Variants in UNC79 observed in about 807,000 individuals in gnomAD.
UNC79 encodes protein unc-79 homolog.
In UNC79, 37 loss-of-function variants were observed where a neutral mutation model predicts 283.1. That is an observed-to-expected ratio of 0.13 (90% CI 0.10 to 0.17). The LOEUF is 0.17. Among genes scored for constraint, UNC79 ranks in the 10% least tolerant of loss-of-function variants. The pLI is 1.00. For synonymous variants in UNC79, 1,107 were observed against 1,200.2 expected, an observed-to-expected ratio of 0.92 and a Z score of 1.61; for missense variants, 2,272 against 3,211.1, an observed-to-expected ratio of 0.71 and a Z score of 7.07.
intron 1 of UNC79, among the ~76,000 whole-genome samples, chr14:93,355,220 G>GT (rs1260899354): frequency 7.9e-5 from 12 of 151,852 alleles, no homozygotes; most frequent in African/African-American, 2.4e-4. Context: ...CTGAGACAGA[G>GT]TTTTGCTCTT....
At chr14:93,518,921 A>G (rs781320524) in intron 7 of UNC79, among the ~76,000 whole-genome samples, 17 of 151,940 alleles carry the variant, frequency 1.1e-4, no homozygotes, top group Non-Finnish European at 1.9e-4. Context: ...CTCCATCTAA[A>G]TTTTTGAGAC....
intron 1 of UNC79, among the ~76,000 whole-genome samples, chr14:93,373,935 AT>A (rs1396992355): frequency 3.9e-5 from 6 of 152,366 alleles, no homozygotes; most frequent in Admixed American, 2.6e-4. Flanking sequence ...TATCCCAGGT[AT>A]GCCTTAGTTG....
chr14:93,683,132 TG>T (rs2073969305), intron 42 of UNC79, among the ~76,000 whole-genome samples: 1 of 151,512 alleles, frequency 6.6e-6, no homozygotes, highest in African/African-American at 2.4e-5. Flanking sequence ...GACTAAACTA[TG>T]TTTTTTTTTT....
At chr14:93,373,166 G>C (rs990539309) in intron 1 of UNC79, among the ~76,000 whole-genome samples, 1 of 152,172 alleles carries the variant, frequency 6.6e-6, no homozygotes, top group Non-Finnish European at 1.5e-5. Context: ...CAAAAGTAGA[G>C]CTTACAGGAA....
chr14:93,622,367 T>G (rs994645821), exon 30 of UNC79: 2 of 1,614,030 alleles, frequency 1.2e-6, no homozygotes, highest in Non-Finnish European at 1.7e-6. Context: ...GAACACTGAC[T>G]CTGCCCTCAT....
At chr14:93,689,487 C>CTT (rs57033556) in intron 44 of UNC79, 3,261 of 119,300 alleles carry the variant, frequency 0.027, 97 homozygotes, top group Non-Finnish European at 0.041. Flanking sequence ...GAAGAAATTT[C>CTT]TTTTTTTTTT....
At chr14:93,623,169 T>C (rs972763263) in intron 30 of UNC79, among the ~76,000 whole-genome samples, 1 of 152,208 alleles carries the variant, frequency 6.6e-6, no homozygotes, top group Non-Finnish European at 1.5e-5. Flanking sequence ...ACAGCAAAAG[T>C]CATTAACTTG....
At chr14:93,393,316 G>C (rs1415091122) in intron 1 of UNC79, among the ~76,000 whole-genome samples, 2 of 152,116 alleles carry the variant, frequency 1.3e-5, no homozygotes, top group Non-Finnish European at 2.9e-5. Flanking sequence ...TTCAGTAAAT[G>C]GTTCTTGAAT....
chr14:93,706,993 A>G, downstream of UNC79: 1 of 1,452,850 alleles, frequency 6.9e-7, no homozygotes, highest in Non-Finnish European at 9.5e-7. Context: ...GTTGGGGAAC[A>G]TATTGGTACT....
At chr14:93,543,200 A>ATG (rs1403217438) in intron 14 of UNC79, among the ~76,000 whole-genome samples, 6 of 135,070 alleles carry the variant, frequency 4.4e-5, no homozygotes, top group Admixed American at 1.4e-4. Context: ...TTTTTTAATC[A>ATG]TGTATATATA....
At chr14:93,679,838 T>C (rs962539349) in intron 41 of UNC79, among the ~76,000 whole-genome samples, 1 of 152,236 alleles carries the variant, frequency 6.6e-6, no homozygotes, top group African/African-American at 2.4e-5. Context: ...TACAGAACTC[T>C]TCCTTCGACA....
intron 30 of UNC79, 49 bp downstream of exon 32, chr14:93,622,890 A>G: frequency 6.3e-7 from 1 of 1,577,716 alleles, no homozygotes; most frequent in Non-Finnish European, 8.6e-7. Flanking sequence ...AAGTTTGTGC[A>G]TCTTGTTTGA....
intron 8 of UNC79, among the ~76,000 whole-genome samples, chr14:93,525,199 C>T (rs1465908043): frequency 1.3e-5 from 2 of 152,080 alleles, no homozygotes. Context: ...AATCCCAGCA[C>T]TTTCAGAGGC....
At chr14:93,676,379 A>T (rs564430288) in intron 41 of UNC79, among the ~76,000 whole-genome samples, 8 of 152,130 alleles carry the variant, frequency 5.3e-5, no homozygotes, top group African/African-American at 1.9e-4. Flanking sequence ...CTTTTTGAAG[A>T]TTCATGGGAT....
chr14:93,503,805 G>A (rs1429335070), intron 7 of UNC79, among the ~76,000 whole-genome samples: 3 of 151,716 alleles, frequency 2.0e-5, no homozygotes, highest in Non-Finnish European at 2.9e-5. Context: ...TATCAACTTA[G>A]CATTCTTTGT....
intron 14 of UNC79, among the ~76,000 whole-genome samples, chr14:93,562,402 G>A (rs2062616311): frequency 6.6e-6 from 1 of 152,216 alleles, no homozygotes; most frequent in Admixed American, 6.5e-5. Context: ...TGCTGTCTGG[G>A]ACGAGGTTGG....
intron 26 of UNC79, among the ~76,000 whole-genome samples, chr14:93,612,295 T>G (rs2066371646): frequency 6.6e-6 from 1 of 152,262 alleles, no homozygotes; most frequent in Admixed American, 6.5e-5. Flanking sequence ...ATTTGTTTTT[T>G]GCACTAGCTG....
intron 12 of UNC79, 126 bp from the exon 13 acceptor site, chr14:93,540,534 A>G: frequency 9.9e-7 from 1 of 1,008,590 alleles, no homozygotes; most frequent in South Asian, 1.7e-5. Flanking sequence ...TCAGTAACAC[A>G]GTACTCAATT....
intron 19 of UNC79, among the ~76,000 whole-genome samples, chr14:93,581,511 T>TG (rs2063807524): frequency 7.0e-6 from 1 of 141,942 alleles, no homozygotes; most frequent in Non-Finnish European, 1.5e-5. Flanking sequence ...TTTTTTTTTT[T>TG]GAGACAGAGT....
Sources: gnomAD v4.1 joint callset for allele counts (sites outside exome capture counted in the v4.1 genomes callset) on GRCh38, gnomAD v4.1.1 for gene constraint, MANE v1.5 for transcripts, NCBI Gene and HGNC (gene_info 2026-07-23, HGNC 2026-07-21) for gene names.